The following ARID4A variants were observed in gnomAD, a reference collection of about 807,000 sequenced individuals.
ARID4A encodes the protein AT-rich interaction domain 4A, also known as AT-rich interactive domain-containing protein 4A.
In ARID4A, 39 loss-of-function variants were observed where a neutral mutation model predicts 148.6. The ratio of observed to expected loss-of-function variants is 0.26; its 90% confidence interval spans 0.20 to 0.34. The LOEUF is 0.34. Among genes scored for constraint, ARID4A ranks in the 10% least tolerant of loss-of-function variants. The probability of loss-of-function intolerance (pLI) is 1.00; values close to 1 mark genes in which losing one functional copy is unlikely to be tolerated. For synonymous variants in ARID4A, 475 were observed against 481.2 expected (o/e 0.99, Z 0.17); for missense variants, 1,265 against 1,449.1 (o/e 0.87, Z 2.06).
intron 16 of ARID4A, among the ~76,000 whole-genome samples, chr14:58,352,829 A>C (rs375161226): frequency 1.3e-5 from 2 of 152,130 alleles, no homozygotes; most frequent in African/African-American, 4.8e-5. Context: ...TTGATACACA[A>C]TATTTTATTA....
intron 11 of ARID4A, among the ~76,000 whole-genome samples, chr14:58,335,369 A>G (rs1594916420): frequency 6.7e-6 from 1 of 150,200 alleles, no homozygotes. Context: ...GCTGGAGTGC[A>G]ATGGCGTGAT....
intron 11 of ARID4A, among the ~76,000 whole-genome samples, chr14:58,336,469 C>CAA (rs1478727566): frequency 1.3e-4 from 20 of 152,172 alleles, no homozygotes; most frequent in Non-Finnish European, 2.4e-4. Flanking sequence ...GTTTGCTTTT[C>CAA]ACTTTAAGTT....
intron 11 of ARID4A, chr14:58,331,344 G>A (rs2033507585): frequency 6.6e-6 from 1 of 152,172 alleles, no homozygotes; most frequent in Admixed American, 6.6e-5. Context: ...TTCATGTAAT[G>A]TCTGATTTTT....
intron 17 of ARID4A, 89 bp from the exon 18 acceptor site, chr14:58,359,043 A>T: frequency 7.4e-7 from 1 of 1,344,818 alleles, no homozygotes; most frequent in Non-Finnish European, 1.0e-6. Context: ...AATCTGTCTC[A>T]CTGTTGTTTT....
At chr14:58,331,994 T>TA (rs1566691193) in intron 11 of ARID4A, among the ~76,000 whole-genome samples, 1 of 35,260 alleles carries the variant, frequency 2.8e-5, no homozygotes, top group Non-Finnish European at 6.2e-5. Flanking sequence ...GCATTTTCCC[T>TA]ACCCCCCCCC....
chr14:58,358,872 G>A (rs555741755), intron 17 of ARID4A, among the ~76,000 whole-genome samples: 1 of 152,270 alleles, frequency 6.6e-6, no homozygotes, highest in East Asian at 1.9e-4. Context: ...TCTAGAGTTT[G>A]CTTTCCAAGA....
intron 5 of ARID4A, among the ~76,000 whole-genome samples, chr14:58,314,673 C>T (rs2032287291): frequency 6.6e-6 from 1 of 152,204 alleles, no homozygotes; most frequent in Admixed American, 6.5e-5. Context: ...AAGGGATTCT[C>T]CTGCCTTGGC....
chr14:58,365,007 C>G lies in ARID4A; in HGVS notation c.2918C>G (p.Thr973Ser), dbSNP rs1215774110. 1 of 1,614,102 alleles carries G rather than the reference C, an allele frequency of 6.2e-7. No individual in the cohort carries two copies. The highest frequency in any genetic ancestry group is 8.5e-7 in the Non-Finnish European group (1 of 1,180,010). Residue 973 changes from threonine (T) to serine (S), a missense_variant, in exon 20 of 24, where the codon ACC becomes AGC. Transcript: ENST00000355431. ...DLDDLDEKDK[T>S]SIEDVAVESS... ...GATGATTTGGATGAAAAGGATAAGA[C>G]CAGCATTGAGGATGTAGCAGTTGAA...
chr14:58,330,122 AATG>A lies in ARID4A; in HGVS notation c.864_866del (p.Asp288del). 6.2e-7 allele frequency: 1 copy of A among 1,613,382 alleles called. No homozygotes were observed. The highest frequency in any genetic ancestry group is 8.5e-7 in the Non-Finnish European group (1 of 1,179,808). ...TGATGAAGATGGCCCAGCTGAAGAA[AATG>A]ATGAAGAGAAGGAAAAGGAGGCCAA... On this transcript the variant is annotated inframe_deletion, in exon 11 of 24. Coordinates refer to ENST00000355431, the MANE Select transcript of ARID4A (RefSeq NM_002892.4).
chr14:58,315,951 T>G (rs1418944794), intron 5 of ARID4A, among the ~76,000 whole-genome samples: 1 of 152,222 alleles, frequency 6.6e-6, no homozygotes, highest in African/African-American at 2.4e-5. Context: ...GTCTCCTGCA[T>G]GTAAAAGAAT....
chr14:58,307,203 T>A (rs1018808008), intron 5 of ARID4A, among the ~76,000 whole-genome samples: 1 of 152,206 alleles, frequency 6.6e-6, no homozygotes, highest in Admixed American at 6.5e-5. Context: ...GTGGTATAAT[T>A]ATTTTGTGGT....
At chr14:58,307,456 A>G (rs1352142101) in intron 5 of ARID4A, among the ~76,000 whole-genome samples, 1 of 152,220 alleles carries the variant, frequency 6.6e-6, no homozygotes, top group Admixed American at 6.5e-5. Flanking sequence ...GTTGGTTCAC[A>G]GTGGTGCTAT....
At chr14:58,369,396 C>T (rs2035502128) in intron 23 of ARID4A, among the ~76,000 whole-genome samples, 1 of 151,946 alleles carries the variant, frequency 6.6e-6, no homozygotes. Context: ...GAGGCAGAGG[C>T]AGGCAGATCA....
At chr14:58,337,246 T>TTATATATATATGTATATATA (rs2033871491) in intron 11 of ARID4A, among the ~76,000 whole-genome samples, 3 of 83,818 alleles carry the variant, frequency 3.6e-5, no homozygotes, top group African/African-American at 1.2e-4. Context: ...TTCTCTTTAT[T>TTATATATATATGTATATATA]TATATATATA....
At chr14:58,371,203 C>G (rs1372894049) in intron 23 of ARID4A, among the ~76,000 whole-genome samples, 1 of 151,964 alleles carries the variant, frequency 6.6e-6, no homozygotes, top group Non-Finnish European at 1.5e-5. Context: ...GTCGCTTGAG[C>G]CCCAGAGGTT....
intron 16 of ARID4A, chr14:58,351,796 C>T (rs933649830): frequency 2.6e-5 from 4 of 152,330 alleles, no homozygotes; most frequent in African/African-American, 9.7e-5. Context: ...GCATGCACCC[C>T]TGATTCTAGT....
intron 2 of ARID4A, 103 bp from the exon 3 acceptor site, chr14:58,301,477 T>C (rs895201148): frequency 2.9e-5 from 20 of 692,904 alleles, no homozygotes; most frequent in African/African-American, 1.8e-5. Context: ...AAGCAAGTCA[T>C]TTTAATATTC....
rs1223335142 is a variant in ARID4A, at chr14:58,365,635, C to G, written c.3316+13C>G. On this transcript the variant is annotated intron_variant, in intron 21 of 23. Transcript: ENST00000355431. ...AAGAATGGAACAGGTTGGTGTCTTT[C>G]AATGCTAGCTTTTGTATAGTGTTAG... 4.4e-6 allele frequency: 7 copies of G among 1,604,062 alleles called. No individual in the cohort carries two copies. The highest frequency in any genetic ancestry group is 6.0e-6 in the Non-Finnish European group (7 of 1,172,380).
intron 14 of ARID4A, 46 bp from the exon 15 acceptor site, chr14:58,347,601 G>GAT: frequency 1.4e-6 from 2 of 1,381,308 alleles, no homozygotes; most frequent in Non-Finnish European, 2.0e-6. Flanking sequence ...ATTCAAGTTA[G>GAT]ATGCAAAGAC....
Sources: gnomAD v4.1 joint callset for allele counts (sites outside exome capture counted in the v4.1 genomes callset) on GRCh38, gnomAD v4.1.1 for gene constraint, MANE v1.5 for transcripts, NCBI Gene and HGNC (gene_info 2026-07-23, HGNC 2026-07-21) for gene names.